Variants in ENAH observed in about 807,000 individuals in gnomAD.
ENAH encodes ENAH actin regulator.
A neutral mutation model predicts 78.7 loss-of-function variants in ENAH; 23 were observed. That is an observed-to-expected ratio of 0.29 (90% CI 0.21 to 0.41). The LOEUF (loss-of-function observed/expected upper bound fraction) is 0.41. ENAH is among the 10% of genes least tolerant of loss of function. The pLI is 1.00. For missense variants in ENAH, 544 were observed against 691.0 expected (o/e 0.79, Z 2.39); for synonymous variants, 226 against 241.0 (o/e 0.94, Z 0.58).
At chr1:225,526,298 T>C (rs1218153243) in intron 4 of ENAH, among the ~76,000 whole-genome samples, 1 of 152,094 alleles carries the variant, frequency 6.6e-6, no homozygotes, top group Admixed American at 6.5e-5. Context: ...TTCCTCAACC[T>C]TAGTTCTCAA....
chr1:225,593,548 G>A (rs978909076), intron 1 of ENAH, among the ~76,000 whole-genome samples: 2 of 152,066 alleles, frequency 1.3e-5, no homozygotes, highest in African/African-American at 4.8e-5. Context: ...AGAATGCAGT[G>A]TCACGCAGTT....
At chr1:225,527,704 G>A (rs2096516173) in intron 4 of ENAH, among the ~76,000 whole-genome samples, 1 of 152,156 alleles carries the variant, frequency 6.6e-6, no homozygotes, top group East Asian at 1.9e-4. Context: ...GAGGGGGAAG[G>A]AGGAAGCGTA....
intron 3 of ENAH, among the ~76,000 whole-genome samples, chr1:225,551,734 A>C (rs958133129): frequency 4.6e-5 from 7 of 152,264 alleles, no homozygotes; most frequent in African/African-American, 1.7e-4. Flanking sequence ...ATAAATAAAA[A>C]TACAAACAGA....
chr1:225,596,207 G>A (rs1036955334), intron 1 of ENAH, among the ~76,000 whole-genome samples: 1 of 152,132 alleles, frequency 6.6e-6, no homozygotes, highest in Non-Finnish European at 1.5e-5. Flanking sequence ...GAGACAGACA[G>A]CTATGTCTAA....
At chr1:225,618,951 G>A (rs1464635639) in intron 1 of ENAH, among the ~76,000 whole-genome samples, 1 of 152,172 alleles carries the variant, frequency 6.6e-6, no homozygotes, top group Non-Finnish European at 1.5e-5. Flanking sequence ...GAGGGCAAAA[G>A]GTTAAAGAAG....
intron 11 of ENAH, among the ~76,000 whole-genome samples, chr1:225,503,420 C>A (rs900928792): frequency 1.4e-4 from 22 of 152,052 alleles, no homozygotes; most frequent in African/African-American, 4.8e-4. Flanking sequence ...CTCCCACAGG[C>A]ACATGCAACC....
At chr1:225,582,877 A>G (rs957734172) in intron 1 of ENAH, among the ~76,000 whole-genome samples, 1 of 152,244 alleles carries the variant, frequency 6.6e-6, no homozygotes, top group Non-Finnish European at 1.5e-5. Context: ...AAAAGAGCAA[A>G]GCATATTCAA....
intron 10 of ENAH, among the ~76,000 whole-genome samples, chr1:225,510,833 G>A (rs900876802): frequency 6.6e-6 from 1 of 151,626 alleles, no homozygotes; most frequent in Non-Finnish European, 1.5e-5. Flanking sequence ...GCAACATGGT[G>A]AAACCCTGTC....
rs1248353679 is a variant in ENAH, at chr1:225,487,548, G to A, written c.*10227C>T. 1.3e-5 allele frequency: 2 copies of A among 152,166 alleles called. No homozygotes were observed. Among genetic ancestry groups the A allele is most frequent in the Non-Finnish European group, 2.9e-5 (2 of 68,040 alleles). The allele number at this position is 152,166 out of a possible 1,614,324, so 9.4% of individuals were successfully genotyped here. The stretch of plus-strand genomic sequence containing the variant: ...CATTAATTCACAAATTCCATGATAA[G>A]ATACATGAGGTTCTGTATGCATAGT... On this transcript the variant is annotated 3_prime_UTR_variant, in exon 14 of 14. Transcript: ENST00000366843.
intron 1 of ENAH, among the ~76,000 whole-genome samples, chr1:225,613,775 A>C (rs2097006096): frequency 6.6e-6 from 1 of 152,168 alleles, no homozygotes; most frequent in Non-Finnish European, 1.5e-5. Flanking sequence ...CTCTCACACA[A>C]CACACTCCTG....
intron 2 of ENAH, among the ~76,000 whole-genome samples, chr1:225,565,225 CAGG>C (rs2096728586): frequency 6.6e-6 from 1 of 152,114 alleles, no homozygotes; most frequent in South Asian, 2.1e-4. Flanking sequence ...CACCTGAGGC[CAGG>C]AGTTCAAAAC....
At chr1:225,598,042 A>T (rs1421601690) in intron 1 of ENAH, among the ~76,000 whole-genome samples, 1 of 151,274 alleles carries the variant, frequency 6.6e-6, no homozygotes, top group Non-Finnish European at 1.5e-5. Context: ...CTCCTTTTTT[A>T]AGGTAAGGAG....
intron 1 of ENAH, among the ~76,000 whole-genome samples, chr1:225,583,954 A>C (rs1306416771): frequency 6.6e-6 from 1 of 152,162 alleles, no homozygotes; most frequent in Admixed American, 6.5e-5. Flanking sequence ...GGGGTTCAAG[A>C]CCAGCCTGGC....
chr1:225,608,102 T>C (rs2096965968), intron 1 of ENAH, among the ~76,000 whole-genome samples: 1 of 148,974 alleles, frequency 6.7e-6, no homozygotes, highest in Admixed American at 6.8e-5. Flanking sequence ...GAAAAAAAGA[T>C]ACGCATCCGT....
At chr1:225,630,633 C>T (rs1288671589) in intron 1 of ENAH, among the ~76,000 whole-genome samples, 1 of 152,128 alleles carries the variant, frequency 6.6e-6, no homozygotes, top group East Asian at 1.9e-4. Context: ...GGCTATTAGC[C>T]ATCACCCATT....
intron 5 of ENAH, 172 bp from the exon 6 acceptor site, chr1:225,517,478 A>T: frequency 6.4e-7 from 1 of 1,551,614 alleles, no homozygotes; most frequent in South Asian, 1.2e-5. Context: ...GACACTGGAT[A>T]TGTTACAGAG....
At chr1:225,498,704 C>T (rs1433251587) in intron 12 of ENAH, among the ~76,000 whole-genome samples, 2 of 152,186 alleles carry the variant, frequency 1.3e-5, no homozygotes, top group African/African-American at 4.8e-5. Context: ...ATGATAACAG[C>T]TGTGCTTTTA....
intron 1 of ENAH, among the ~76,000 whole-genome samples, chr1:225,596,932 T>C (rs1194734859): frequency 1.3e-5 from 2 of 152,182 alleles, no homozygotes; most frequent in Non-Finnish European, 2.9e-5. Context: ...GGGATAAAAA[T>C]GGCAACTAAA....
intron 1 of ENAH, among the ~76,000 whole-genome samples, chr1:225,593,401 G>GTGT (rs1491435336): frequency 0.17 from 5,179 of 31,138 alleles, 341 homozygotes; most frequent in South Asian, 0.27. Flanking sequence ...GTGTGTGTGT[G>GTGT]GGGGGGGGGG....
Sources: allele counts gnomAD v4.1 joint callset (sites outside exome capture counted in the v4.1 genomes callset), GRCh38; gene constraint gnomAD v4.1.1; transcripts MANE v1.5; gene names NCBI Gene and HGNC (gene_info 2026-07-23, HGNC 2026-07-21).